Variants in NLGN1 observed in about 807,000 individuals in gnomAD.
NLGN1 encodes the protein neuroligin-1.
In NLGN1, 12 loss-of-function variants were observed where a neutral mutation model predicts 65.5. The ratio of observed to expected loss-of-function variants is 0.18; its 90% CI spans 0.12 to 0.30. NLGN1 has a LOEUF of 0.30. Ranked by LOEUF, NLGN1 falls within the 10% of genes least tolerant of loss-of-function variation. The probability of loss-of-function intolerance (pLI) is 1.00; values close to 1 mark genes in which losing one functional copy is unlikely to be tolerated. For missense variants in NLGN1, 750 were observed against 1,007.1 expected, an observed-to-expected ratio of 0.74 and a Z score of 3.46; for synonymous variants, 350 against 359.5, an observed-to-expected ratio of 0.97 and a Z score of 0.30.
At chr3:173,837,674 A>G (rs1363385064) in intron 4 of NLGN1, among the ~76,000 whole-genome samples, 1 of 152,246 alleles carries the variant, frequency 6.6e-6, no homozygotes, top group Non-Finnish European at 1.5e-5. Context: ...GTATACATAT[A>G]TTAAATTTCT....
intron 4 of NLGN1, among the ~76,000 whole-genome samples, chr3:174,143,992 G>A (rs993449737): frequency 2.6e-5 from 4 of 152,006 alleles, no homozygotes; most frequent in South Asian, 2.1e-4. Flanking sequence ...AGGTATACAC[G>A]TGACATGGTG....
chr3:174,192,810 C>T (rs892439689), intron 4 of NLGN1, among the ~76,000 whole-genome samples: 11 of 152,030 alleles, frequency 7.2e-5, no homozygotes, highest in Non-Finnish European at 1.6e-4. Context: ...ATTTTTTCCC[C>T]AATTTCCCTC....
intron 1 of NLGN1, among the ~76,000 whole-genome samples, chr3:173,422,883 G>GC (rs1197841108): frequency 6.6e-6 from 1 of 152,264 alleles, no homozygotes; most frequent in Non-Finnish European, 1.5e-5. Flanking sequence ...TGGATAAACT[G>GC]CAAGTATTTT....
intron 3 of NLGN1, among the ~76,000 whole-genome samples, chr3:173,700,220 C>A (rs1238108947): frequency 6.6e-6 from 1 of 152,172 alleles, no homozygotes; most frequent in Non-Finnish European, 1.5e-5. Flanking sequence ...TCATATTAAT[C>A]ACTACTGCAG....
intron 4 of NLGN1, among the ~76,000 whole-genome samples, chr3:174,145,968 T>G (rs1723145032): frequency 6.6e-6 from 1 of 152,282 alleles, no homozygotes; most frequent in Admixed American, 6.5e-5. Flanking sequence ...CTAGTGTGTG[T>G]GCACACACTT....
At chr3:173,580,105 G>A (rs546382437) in intron 2 of NLGN1, among the ~76,000 whole-genome samples, 2 of 152,058 alleles carry the variant, frequency 1.3e-5, no homozygotes, top group Admixed American at 6.5e-5. Context: ...CATAAAAGAT[G>A]TGCATTTATA....
At chr3:173,944,124 G>GTTGTGTGTGTGTGTGTGTGT (rs34721217) in intron 4 of NLGN1, among the ~76,000 whole-genome samples, 13 of 139,596 alleles carry the variant, frequency 9.3e-5, no homozygotes, top group East Asian at 2.1e-4. Context: ...TAATATTATG[G>GTTGTGTGTGTGTGTGTGTGT]GTGTGTGTGT....
chr3:173,903,877 C>T (rs1737846566), intron 4 of NLGN1, among the ~76,000 whole-genome samples: 1 of 152,128 alleles, frequency 6.6e-6, no homozygotes, highest in Non-Finnish European at 1.5e-5. Flanking sequence ...CCTTTCAAAT[C>T]CTGATGTGCC....
chr3:173,464,912 A>G (rs550469011), intron 2 of NLGN1, among the ~76,000 whole-genome samples: 1 of 152,096 alleles, frequency 6.6e-6, no homozygotes, highest in Admixed American at 6.6e-5. Flanking sequence ...TTCAGTCTGA[A>G]TTGCCTCCTA....
intron 2 of NLGN1, among the ~76,000 whole-genome samples, chr3:173,477,568 C>A (rs762735842): frequency 2.0e-5 from 3 of 151,904 alleles, no homozygotes; most frequent in East Asian, 3.9e-4. Context: ...AATAATGAAA[C>A]CTTTAGTATT....
chr3:173,586,686 G>A (rs1333420432), intron 2 of NLGN1, among the ~76,000 whole-genome samples: 1 of 152,092 alleles, frequency 6.6e-6, no homozygotes, highest in Admixed American at 6.5e-5. Flanking sequence ...CCAATTGTTA[G>A]TTTTAAGGCG....
At chr3:174,116,077 C>T (rs1472702601) in intron 4 of NLGN1, among the ~76,000 whole-genome samples, 1 of 152,102 alleles carries the variant, frequency 6.6e-6, no homozygotes, top group Non-Finnish European at 1.5e-5. Flanking sequence ...ATTAACCATT[C>T]AATTCCCAAA....
intron 4 of NLGN1, among the ~76,000 whole-genome samples, chr3:173,855,900 A>G (rs1335816014): frequency 2.6e-5 from 4 of 152,138 alleles, no homozygotes; most frequent in Non-Finnish European, 5.9e-5. Flanking sequence ...TCACTACCAT[A>G]ATTTTAAACA....
intron 3 of NLGN1, among the ~76,000 whole-genome samples, chr3:173,659,640 TA>T (rs1271240286): frequency 6.6e-6 from 1 of 151,832 alleles, no homozygotes; most frequent in African/African-American, 2.4e-5. Flanking sequence ...ATATGTATAT[TA>T]AAAAAACCAT....
At chr3:173,782,164 G>A (rs1207734286) in intron 3 of NLGN1, among the ~76,000 whole-genome samples, 2 of 151,892 alleles carry the variant, frequency 1.3e-5, no homozygotes, top group Non-Finnish European at 1.5e-5. Flanking sequence ...AATTAGACAC[G>A]AAATCTAACC....
chr3:173,743,100 C>T (rs374902176), intron 3 of NLGN1, among the ~76,000 whole-genome samples: 6 of 152,240 alleles, frequency 3.9e-5, no homozygotes, highest in Admixed American at 1.3e-4. Flanking sequence ...TTGCATGGAA[C>T]AGCTATTGAG....
At chr3:173,913,156 T>C (rs868297513) in intron 4 of NLGN1, among the ~76,000 whole-genome samples, 1 of 152,170 alleles carries the variant, frequency 6.6e-6, no homozygotes, top group Non-Finnish European at 1.5e-5. Context: ...TGACCAGTAC[T>C]GCCTCAAGGA....
chr3:174,290,289 G>T (rs1752620789), downstream of NLGN1, among the ~76,000 whole-genome samples: 2 of 150,826 alleles, frequency 1.3e-5, no homozygotes, highest in African/African-American at 4.8e-5. Flanking sequence ...AGACAGACCA[G>T]TGTAGGATAA....
At chr3:173,721,149 A>G (rs920388352) in intron 3 of NLGN1, among the ~76,000 whole-genome samples, 1 of 152,234 alleles carries the variant, frequency 6.6e-6, no homozygotes, top group Non-Finnish European at 1.5e-5. Flanking sequence ...AGCCTCAACA[A>G]TGAAGCCATT....
Sources: gnomAD v4.1 joint callset for allele counts (sites outside exome capture counted in the v4.1 genomes callset) on GRCh38, gnomAD v4.1.1 for gene constraint, MANE v1.5 for transcripts, NCBI Gene and HGNC (gene_info 2026-07-23, HGNC 2026-07-21) for gene names.